The following CFAP99 variants were observed in gnomAD, a reference collection of about 807,000 sequenced individuals.
CFAP99 encodes cilia and flagella associated protein 99.
CFAP99 carries 84 observed loss-of-function variants against 82.7 expected under a neutral mutation model. That is an observed-to-expected ratio of 1.02 (90% CI 0.85 to 1.22). CFAP99 has a LOEUF of 1.22. Among genes scored for constraint, CFAP99 ranks in the 50% most tolerant of loss-of-function variants. The probability of loss-of-function intolerance (pLI) is 0.00; values close to 1 mark genes in which losing one functional copy is unlikely to be tolerated. For missense variants in CFAP99, 1,059 were observed against 983.5 expected (o/e 1.08, Z -1.03); for synonymous variants, 456 against 429.5 (o/e 1.06, Z -0.76).
rs529430427 is a variant in CFAP99 at position 2,429,736 on chromosome 4, C to T, written c.111+3150C>T. ...CCTCCCGAGTAGCTGGGACTACAGG[C>T]GCCCGCCACCACGCCCAGCTAATTT... On this transcript the variant is annotated intron_variant, in intron 2 of 14. Coordinates refer to ENST00000635017, the Ensembl canonical transcript of CFAP99. 2.4e-4 allele frequency among the ~76,000 whole-genome samples: 36 copies of T among 152,196 alleles called. No homozygotes were observed. In the South Asian group the frequency reaches 6.0e-3, roughly 25 times the overall value.
chr4:2,450,084 G>A lies in CFAP99; in HGVS notation c.795+79G>A, dbSNP rs200928321. 512 of 1,371,188 alleles carry A rather than the reference G, an allele frequency of 3.7e-4. 2 individuals carry two copies. In the East Asian group the frequency reaches 0.011, roughly 29 times the overall value. The allele number at this position is 1,371,188 out of a possible 1,614,324, so 84.9% of individuals were successfully genotyped here. On this transcript the variant is annotated intron_variant, in intron 8 of 14. Coordinates refer to ENST00000635017, the Ensembl canonical transcript of CFAP99. ...TCAGAAAGTTCCTCCCAACGCCATC[G>A]CAGTGACCACTTATGTAGCCTTTTC...
intron 1 of CFAP99, among the ~76,000 whole-genome samples, chr4:2,422,754 C>G (rs562051646): frequency 6.6e-6 from 1 of 152,172 alleles, no homozygotes; most frequent in Non-Finnish European, 1.5e-5. Context: ...CACAACGTGA[C>G]GTGGAGGCAG....
intron 6 of CFAP99, among the ~76,000 whole-genome samples, chr4:2,449,392 G>A (rs572701771): frequency 2.0e-5 from 3 of 152,022 alleles, no homozygotes; most frequent in Admixed American, 6.6e-5. Context: ...CCGATGGTAC[G>A]CCCTCAGTAC....
At chr4:2,430,965 C>A (rs919384213) in intron 2 of CFAP99, among the ~76,000 whole-genome samples, 1 of 151,738 alleles carries the variant, frequency 6.6e-6, no homozygotes, top group East Asian at 1.9e-4. Flanking sequence ...CCCAGCTACT[C>A]GGGGGCTAAG....
chr4:2,459,156 G>A, exon 13 of CFAP99: 2 of 1,535,336 alleles, frequency 1.3e-6, no homozygotes, highest in Non-Finnish European at 1.7e-6. Flanking sequence ...GCAGGGCGCA[G>A]GCAGCCCAGG....
intron 2 of CFAP99, among the ~76,000 whole-genome samples, chr4:2,431,889 T>C (rs1225558743): frequency 2.6e-5 from 4 of 152,160 alleles, no homozygotes; most frequent in African/African-American, 9.7e-5. Context: ...GCCAGCTTTG[T>C]GTATTTATAA....
At position 2,462,600 on chromosome 4, in the gene CFAP99, C is replaced by G; in HGVS notation, c.1819C>G (p.Pro607Ala). Residue 607 changes from proline (P) to alanine (A), a missense_variant, in exon 15 of 15, where the codon CCC becomes GCC. Physicochemically the swap from Pro to Ala is conservative, Grantham distance 27. Transcript: ENST00000635017. The surrounding 1 kb of genome is among the most constrained non-coding windows in gnomAD (Gnocchi z 4.1). ...GGCGCCGCGGACCGCGCGCCCCAAG[C>G]CCCGGGTGAGTCCGGATTGGTGGGA... 7.1e-7 allele frequency: 1 copy of G among 1,413,414 alleles called. No individual in the cohort carries two copies. The highest frequency in any genetic ancestry group is 3.1e-5 in the East Asian group (1 of 32,104). 87.6% of individuals were successfully genotyped at this position (1,413,414 alleles called of 1,614,324 possible).
chr4:2,431,680 A>G (rs1442655045), intron 2 of CFAP99, among the ~76,000 whole-genome samples: 2 of 152,078 alleles, frequency 1.3e-5, no homozygotes, highest in African/African-American at 4.8e-5. Flanking sequence ...ACCCTCCCCA[A>G]CCTCATGTGC....
intron 6 of CFAP99, 86 bp from the exon 7 acceptor site, chr4:2,449,584 C>G: frequency 8.1e-7 from 1 of 1,229,124 alleles, no homozygotes; most frequent in African/African-American, 1.5e-5. Context: ...TCACCCACAT[C>G]CACCAAGCTG....
At chr4:2,438,304 C>T (rs1359021089) in intron 4 of CFAP99, 140 bp downstream of exon 4, 1 of 610,680 alleles carries the variant, frequency 1.6e-6, no homozygotes, top group Non-Finnish European at 3.0e-6. Flanking sequence ...ACTCTGTCGC[C>T]CAGGCTGGAG....
intron 12 of CFAP99, 40 bp downstream of exon 12, chr4:2,458,904 T>A (rs982292631): frequency 1.3e-6 from 2 of 1,513,742 alleles, no homozygotes; most frequent in Non-Finnish European, 1.8e-6. Flanking sequence ...ACCCCGCTCT[T>A]CCCCACTCGG....
intron 2 of CFAP99, 86 bp from the exon 3 acceptor site, chr4:2,436,788 C>A: frequency 8.8e-7 from 1 of 1,140,084 alleles, no homozygotes; most frequent in Non-Finnish European, 1.3e-6. Flanking sequence ...CCGCTCCACC[C>A]CTGCCTTTGC....
chr4:2,455,899 C>T (rs538889126), intron 11 of CFAP99, among the ~76,000 whole-genome samples: 122 of 152,214 alleles, frequency 8.0e-4, no homozygotes, highest in African/African-American at 2.9e-3. Context: ...GCTTTTACAG[C>T]CTCAATGTGT....
intron 2 of CFAP99, chr4:2,427,257 C>T (rs1201074859): frequency 2.0e-5 from 3 of 153,514 alleles, no homozygotes; most frequent in African/African-American, 7.2e-5. Context: ...CCCTGCCCCA[C>T]TCAGGGGCCT....
At chr4:2,441,778 C>T (rs1734047503) in intron 4 of CFAP99, among the ~76,000 whole-genome samples, 2 of 152,138 alleles carry the variant, frequency 1.3e-5, no homozygotes, top group Non-Finnish European at 2.9e-5. Context: ...CCAGCCTGGG[C>T]CTTGAAGAAG....
chr4:2,454,577 TTTTC>T (rs1560388752), intron 11 of CFAP99, among the ~76,000 whole-genome samples: 1 of 134,954 alleles, frequency 7.4e-6, no homozygotes, highest in Non-Finnish European at 1.6e-5. Context: ...TTGTTGTTTT[TTTTC>T]TTTTTTTTTT....
At chr4:2,454,099 A>G (rs775687336) in intron 11 of CFAP99, among the ~76,000 whole-genome samples, 5 of 152,116 alleles carry the variant, frequency 3.3e-5, no homozygotes, top group Non-Finnish European at 7.4e-5. Flanking sequence ...CCTGGGTTTA[A>G]GAAATTCTCT....
At chr4:2,451,949 C>T (rs11736936) in intron 10 of CFAP99, among the ~76,000 whole-genome samples, 193 bp from the exon 11 acceptor site, 20,565 of 150,876 alleles carry the variant, frequency 0.14, 1,500 homozygotes, top group African/African-American at 0.16. Flanking sequence ...GATGGGTGGA[C>T]GCACAGAAAG....
intron 11 of CFAP99, among the ~76,000 whole-genome samples, chr4:2,453,724 G>A (rs1734358568): frequency 7.1e-6 from 1 of 140,356 alleles, no homozygotes; most frequent in Admixed American, 7.0e-5. Context: ...TTGCACTTTT[G>A]ACCTTCATTT....
Sources: allele counts gnomAD v4.1 joint callset (sites outside exome capture counted in the v4.1 genomes callset), GRCh38; gene constraint gnomAD v4.1.1; non-coding constraint Gnocchi (gnomAD v3.1); transcripts MANE v1.5; gene names NCBI Gene and HGNC (gene_info 2026-07-23, HGNC 2026-07-21).